The following MAGI2 variants were observed in gnomAD, a reference collection of about 807,000 sequenced individuals.
MAGI2 encodes the protein membrane associated guanylate kinase, WW and PDZ domain containing 2, also known as membrane-associated guanylate kinase, WW and PDZ domain-containing protein 2.
MAGI2 carries 35 observed loss-of-function variants against 133.3 expected under a neutral mutation model. The ratio of observed to expected loss-of-function variants is 0.26; its 90% CI spans 0.20 to 0.35. The LOEUF is 0.35. MAGI2 is among the 10% of genes least tolerant of loss of function. MAGI2 has a pLI of 1.00. For synonymous variants in MAGI2, 729 were observed against 710.6 expected (o/e 1.03, Z -0.41); for missense variants, 1,636 against 1,863.4 (o/e 0.88, Z 2.25).
chr7:79,029,727 T>C (rs1482554969), intron 1 of MAGI2, among the ~76,000 whole-genome samples: 1 of 152,202 alleles, frequency 6.6e-6, no homozygotes, highest in East Asian at 1.9e-4. Context: ...TTCAAAGTTT[T>C]AAAATATTTA....
chr7:79,088,808 A>G (rs1816775853), intron 1 of MAGI2, among the ~76,000 whole-genome samples: 1 of 152,174 alleles, frequency 6.6e-6, no homozygotes, highest in East Asian at 1.9e-4. Flanking sequence ...GTGATGGATT[A>G]TGTTTATTGA....
intron 9 of MAGI2, among the ~76,000 whole-genome samples, chr7:78,305,634 G>A (rs1316953801): frequency 1.3e-5 from 2 of 152,118 alleles, no homozygotes; most frequent in Non-Finnish European, 2.9e-5. Flanking sequence ...GTGTAACCAT[G>A]AGCTCCAACC....
intron 1 of MAGI2, among the ~76,000 whole-genome samples, chr7:79,115,587 T>C (rs1202267911): frequency 1.3e-5 from 2 of 152,152 alleles, no homozygotes; most frequent in African/African-American, 4.8e-5. Flanking sequence ...TAGCCAGACT[T>C]AATAAACTGG....
At chr7:79,267,353 G>A (rs756097856) in intron 1 of MAGI2, among the ~76,000 whole-genome samples, 1 of 152,158 alleles carries the variant, frequency 6.6e-6, no homozygotes, top group Non-Finnish European at 1.5e-5. Context: ...CTCTCAGCAT[G>A]TGTGTCTTAG....
chr7:78,429,895 G>C (rs1021044649), intron 6 of MAGI2, among the ~76,000 whole-genome samples: 20 of 152,132 alleles, frequency 1.3e-4, no homozygotes, highest in African/African-American at 4.1e-4. Flanking sequence ...TCGAGGTATT[G>C]AGAGGTTAAG....
intron 2 of MAGI2, among the ~76,000 whole-genome samples, chr7:78,868,373 T>C (rs753682390): frequency 6.6e-6 from 1 of 152,216 alleles, no homozygotes; most frequent in African/African-American, 2.4e-5. Flanking sequence ...GGGCAAGTAA[T>C]ATCCCTAGGT....
At chr7:78,769,870 A>G (rs1825405890) in intron 2 of MAGI2, among the ~76,000 whole-genome samples, 1 of 152,198 alleles carries the variant, frequency 6.6e-6, no homozygotes. Context: ...CATCCTATTC[A>G]GAACTAAATG....
intron 4 of MAGI2, among the ~76,000 whole-genome samples, chr7:78,507,281 C>T (rs769535258): frequency 7.2e-5 from 11 of 152,144 alleles, no homozygotes; most frequent in South Asian, 4.1e-4. Flanking sequence ...CCTAGGGATA[C>T]GGTTTAATGT....
rs74966153 is a variant in MAGI2, at chr7:79,269,822, C to T, written c.301+183198G>A. ...AATAGCCCTTCTTTAAAAAATAACC[C>T]CCTCCTTGCTGAAAACAGCCTTTGT... On this transcript the variant is annotated intron_variant, in intron 1 of 21. Transcript: ENST00000354212. 3.8e-4 allele frequency among the ~76,000 whole-genome samples: 58 copies of T among 152,126 alleles called. No homozygotes were observed. In the East Asian group the frequency reaches 0.011, roughly 29 times the overall value.
At chr7:78,377,641 AAATAAT>A (rs918919157) in intron 6 of MAGI2, among the ~76,000 whole-genome samples, 1 of 150,524 alleles carries the variant, frequency 6.6e-6, no homozygotes, top group African/African-American at 2.4e-5. Context: ...ACTCTGCAAA[AAATAAT>A]AATAATAATA....
At chr7:78,861,053 A>T (rs1794118081) in intron 2 of MAGI2, among the ~76,000 whole-genome samples, 1 of 152,100 alleles carries the variant, frequency 6.6e-6, no homozygotes, top group Admixed American at 6.5e-5. Context: ...CATGCATGGG[A>T]TATAATCTCC....
chr7:78,258,348 C>T (rs1793198032), intron 9 of MAGI2, among the ~76,000 whole-genome samples: 1 of 152,134 alleles, frequency 6.6e-6, no homozygotes, highest in Non-Finnish European at 1.5e-5. Context: ...TTCAGATAGA[C>T]TATTTTTCTC....
chr7:78,098,975 A>G (rs1294016799), intron 20 of MAGI2, among the ~76,000 whole-genome samples: 1 of 151,480 alleles, frequency 6.6e-6, no homozygotes, highest in Admixed American at 6.6e-5. Flanking sequence ...AGTTTTTTTT[A>G]TTATTTATAT....
chr7:78,491,511 T>C (rs1489038592), intron 5 of MAGI2, among the ~76,000 whole-genome samples: 2 of 152,110 alleles, frequency 1.3e-5, no homozygotes, highest in Admixed American at 1.3e-4. Flanking sequence ...TAAATGCCTC[T>C]CAACAGGGCT....
chr7:79,344,428 A>G (rs950929812), intron 1 of MAGI2, among the ~76,000 whole-genome samples: 3 of 152,168 alleles, frequency 2.0e-5, no homozygotes, highest in Admixed American at 2.0e-4. Flanking sequence ...AGCAATTGCT[A>G]TAGGAATGAG....
At chr7:79,037,612 A>G (rs1811246740) in intron 1 of MAGI2, among the ~76,000 whole-genome samples, 1 of 152,146 alleles carries the variant, frequency 6.6e-6, no homozygotes, top group African/African-American at 2.4e-5. Flanking sequence ...CACAGTACCA[A>G]CATTATACTG....
chr7:79,141,695 T>A (rs1240622660), intron 1 of MAGI2, among the ~76,000 whole-genome samples: 2 of 152,184 alleles, frequency 1.3e-5, no homozygotes, highest in Non-Finnish European at 2.9e-5. Flanking sequence ...TTCTAGCTTC[T>A]TGGTACCCCA....
intron 1 of MAGI2, among the ~76,000 whole-genome samples, chr7:79,078,819 G>T (rs1815779305): frequency 6.6e-6 from 1 of 152,144 alleles, no homozygotes; most frequent in South Asian, 2.1e-4. Flanking sequence ...CCATGTGTAT[G>T]TGTGAGTTTG....
intron 1 of MAGI2, among the ~76,000 whole-genome samples, chr7:79,015,463 A>G: frequency 6.6e-6 from 1 of 152,324 alleles, no homozygotes; most frequent in Non-Finnish European, 1.5e-5. Context: ...CCAAATCAAC[A>G]AAAAAGAAAC....
Sources: gnomAD v4.1 joint callset for allele counts (sites outside exome capture counted in the v4.1 genomes callset) on GRCh38, gnomAD v4.1.1 for gene constraint, MANE v1.5 for transcripts, NCBI Gene and HGNC (gene_info 2026-07-23, HGNC 2026-07-21) for gene names.